The following MSRA variants were observed in gnomAD, a reference collection of about 807,000 sequenced individuals.
MSRA encodes methionine sulfoxide reductase A.
In MSRA, 54 loss-of-function variants were observed where a neutral mutation model predicts 31.3. The observed-to-expected ratio is 1.73, with a 90% CI of 1.39 to 2.17. The LOEUF is 2.17. MSRA is among the 30% of genes most tolerant of loss of function. The pLI, the probability that MSRA is intolerant of heterozygous loss-of-function variation, is 0.00. For missense variants in MSRA, 507 were observed against 300.9 expected (o/e 1.69, Z -5.07); for synonymous variants, 169 against 116.5 (o/e 1.45, Z -2.90).
At chr8:10,235,889 C>T (rs186051928) in intron 2 of MSRA, among the ~76,000 whole-genome samples, 144 of 152,068 alleles carry the variant, frequency 9.5e-4, no homozygotes, top group African/African-American at 3.3e-3. Context: ...TCATAAGGAA[C>T]GTAAATGACA....
intron 1 of MSRA, among the ~76,000 whole-genome samples, chr8:10,164,610 G>C (rs974732943): frequency 6.6e-6 from 1 of 152,188 alleles, no homozygotes; most frequent in African/African-American, 2.4e-5. Context: ...AATCCTAATA[G>C]ACTTTTTATG....
intron 1 of MSRA, among the ~76,000 whole-genome samples, chr8:10,079,249 C>T (rs187514310): frequency 6.6e-6 from 1 of 152,140 alleles, no homozygotes; most frequent in East Asian, 1.9e-4. Context: ...GCCTCGACAT[C>T]CTGGGCTTAG....
At chr8:10,182,394 G>A (rs1473553182) in intron 1 of MSRA, among the ~76,000 whole-genome samples, 2 of 152,048 alleles carry the variant, frequency 1.3e-5, no homozygotes. Context: ...AATTTCTGTG[G>A]GTCAGGAATC....
intron 2 of MSRA, 99 bp downstream of exon 2, chr8:10,208,000 C>A (rs1409801879): frequency 1.6e-5 from 14 of 874,292 alleles, no homozygotes; most frequent in Non-Finnish European, 2.3e-5. Flanking sequence ...AAAATCTGGG[C>A]TCTTCTAGAT....
rs76629200 is a variant in MSRA, at chr8:10,236,885, C to G, written c.212-8219C>G. On this transcript the variant is annotated intron_variant, in intron 2 of 5. Transcript: ENST00000317173. The stretch of plus-strand genomic sequence containing the variant: ...TTTATGGAGAAAATTATAATTATAA[C>G]ATGGTATTGAAGGACATCCAAGAAG... Among the ~76,000 whole-genome samples, 1,277 of 152,272 alleles carry G rather than the reference C, an allele frequency of 8.4e-3. 12 individuals carry two copies. Among genetic ancestry groups the G allele is most frequent in the South Asian group, 0.052 (250 of 4,830 alleles).
intron 1 of MSRA, among the ~76,000 whole-genome samples, chr8:10,106,133 A>G (rs1799865760): frequency 6.6e-6 from 1 of 152,206 alleles, no homozygotes; most frequent in African/African-American, 2.4e-5. Context: ...TTCTGGGCAG[A>G]TACTAACAGC....
intron 5 of MSRA, among the ~76,000 whole-genome samples, chr8:10,393,188 G>A (rs1184829743): frequency 2.6e-5 from 4 of 152,040 alleles, no homozygotes; most frequent in East Asian, 1.9e-4. Context: ...GAAAGCAGCC[G>A]CCCGCCCCCC....
chr8:10,382,603 C>T (rs1247073527), intron 5 of MSRA, among the ~76,000 whole-genome samples: 2 of 152,194 alleles, frequency 1.3e-5, no homozygotes, highest in Admixed American at 1.3e-4. Flanking sequence ...GCCAAGGCAT[C>T]TCATGAAAAC....
intron 5 of MSRA, among the ~76,000 whole-genome samples, chr8:10,370,373 T>C (rs532463211): frequency 6.6e-6 from 1 of 152,330 alleles, no homozygotes; most frequent in South Asian, 2.1e-4. Flanking sequence ...ATCCTTGTTA[T>C]ACATGGTGGC....
At chr8:10,222,587 C>T (rs1442307196) in intron 2 of MSRA, among the ~76,000 whole-genome samples, 1 of 152,128 alleles carries the variant, frequency 6.6e-6, no homozygotes, top group Non-Finnish European at 1.5e-5. Flanking sequence ...ATACAAGATA[C>T]AATGTCCATC....
At chr8:10,309,721 C>T (rs1285044201) in intron 4 of MSRA, among the ~76,000 whole-genome samples, 2 of 152,196 alleles carry the variant, frequency 1.3e-5, no homozygotes, top group Admixed American at 6.5e-5. Flanking sequence ...GGCTCCTCAG[C>T]CTGTGCTTGG....
chr8:10,331,984 C>A (rs1208349210), intron 5 of MSRA, among the ~76,000 whole-genome samples: 1 of 152,174 alleles, frequency 6.6e-6, no homozygotes, highest in East Asian at 1.9e-4. Context: ...TAATGGGTGA[C>A]TGCAGAGGTA....
At chr8:10,065,190 A>G (rs557983801) in intron 1 of MSRA, among the ~76,000 whole-genome samples, 58 of 152,128 alleles carry the variant, frequency 3.8e-4, no homozygotes, top group Non-Finnish European at 6.8e-4. Context: ...CATCAGCATG[A>G]AGGAGTGCTT....
intron 3 of MSRA, among the ~76,000 whole-genome samples, chr8:10,278,530 C>T (rs1185111713): frequency 1.3e-5 from 2 of 152,338 alleles, no homozygotes; most frequent in South Asian, 2.1e-4. Flanking sequence ...ACATCCAGCC[C>T]ATCAGATGGA....
rs1801395901 is a variant in MSRA at position 10,310,858 on chromosome 8, T to C, written c.437-9025T>C. Among the ~76,000 whole-genome samples the C allele has an allele frequency of 2.6e-5, 4 of 152,240 alleles. No homozygotes were observed. In the South Asian group the frequency reaches 8.3e-4, roughly 31 times the overall value. The stretch of plus-strand genomic sequence containing the variant: ...ACCCACTGGAAACAGCAGCACATTA[T>C]CCGATGATTTTAAACTCTTTGTGAT... On this transcript the variant is annotated intron_variant, in intron 4 of 5. Transcript: ENST00000317173.
intron 1 of MSRA, among the ~76,000 whole-genome samples, chr8:10,162,826 A>G (rs571800685): frequency 2.4e-4 from 37 of 152,288 alleles, no homozygotes; most frequent in Admixed American, 1.1e-3. Flanking sequence ...CCAAGGCCAC[A>G]CAGGTCATAG....
chr8:10,237,513 A>G (rs909596651), intron 2 of MSRA, among the ~76,000 whole-genome samples: 8 of 152,278 alleles, frequency 5.3e-5, no homozygotes, highest in African/African-American at 1.9e-4. Context: ...TTTAAAGGAT[A>G]TGTTATGGAA....
rs536044474 is a variant in MSRA at position 10,368,717 on chromosome 8, G to T, written c.543+48728G>T. 1.3e-4 allele frequency among the ~76,000 whole-genome samples: 20 copies of T among 152,356 alleles called. No homozygotes were observed. In the South Asian group the frequency reaches 4.1e-3, roughly 32 times the overall value. On this transcript the variant is annotated intron_variant, in intron 5 of 5. Coordinates refer to ENST00000317173, the MANE Select transcript of MSRA (RefSeq NM_012331.5). Reference sequence around the variant, plus strand: ...TAAAACAGTTTGTATCTGATCCTGAGTTAAAGGCATTACTAAGGGAACCAC... The same window carrying T: ...TAAAACAGTTTGTATCTGATCCTGATTTAAAGGCATTACTAAGGGAACCAC...
intron 1 of MSRA, among the ~76,000 whole-genome samples, chr8:10,136,749 G>A (rs749308206): frequency 9.2e-5 from 14 of 152,122 alleles, no homozygotes; most frequent in East Asian, 3.9e-4. Context: ...GTTCAATGTC[G>A]GGTCCCCTCC....
Sources: allele counts gnomAD v4.1 joint callset (sites outside exome capture counted in the v4.1 genomes callset), GRCh38; gene constraint gnomAD v4.1.1; transcripts MANE v1.5; gene names NCBI Gene and HGNC (gene_info 2026-07-23, HGNC 2026-07-21).